ROBO1: variants seen among roughly 807,000 people sequenced by gnomAD.
ROBO1 encodes the protein roundabout homolog 1.
Under a neutral mutation model 195.9 loss-of-function variants are expected in ROBO1, and 149 were observed. The ratio of observed to expected loss-of-function variants is 0.76; its 90% CI spans 0.67 to 0.87. The LOEUF (loss-of-function observed/expected upper bound fraction) is 0.87. Among genes scored for constraint, ROBO1 ranks in the 40% least tolerant of loss-of-function variants. ROBO1 has a pLI of 0.00. For missense variants in ROBO1, 1,933 were observed against 2,068.3 expected, an observed-to-expected ratio of 0.93 and a Z score of 1.27; for synonymous variants, 816 against 733.2, an observed-to-expected ratio of 1.11 and a Z score of -1.82.
intron 3 of ROBO1, among the ~76,000 whole-genome samples, chr3:78,992,375 A>T (rs1452111500): frequency 6.6e-6 from 1 of 152,116 alleles, no homozygotes; most frequent in Admixed American, 6.6e-5. Flanking sequence ...AAGGGCTTAC[A>T]TTGTTAAGCT....
intron 2 of ROBO1, among the ~76,000 whole-genome samples, chr3:79,269,218 G>A (rs557856529): frequency 1.3e-5 from 2 of 151,704 alleles, no homozygotes; most frequent in East Asian, 1.9e-4. Context: ...AAAATATGAG[G>A]GAAAATAATA....
intron 2 of ROBO1, among the ~76,000 whole-genome samples, chr3:79,365,427 T>C (rs2035933611): frequency 6.6e-6 from 1 of 152,134 alleles, no homozygotes; most frequent in Non-Finnish European, 1.5e-5. Context: ...GAACTCTGCG[T>C]CGGTTGCTAC....
rs1941624701 is a variant in ROBO1 at position 79,530,798 on chromosome 3, C to G, written c.88+59026G>C. ...ACACACACACACACACACACACACA[C>G]ACACACATCCTTCCCTGGATTCCCA... is the stretch of plus-strand genomic sequence containing the variant. On this transcript the variant is annotated intron_variant, in intron 2 of 30. Transcript: ENST00000464233. Among the ~76,000 whole-genome samples the G allele has an allele frequency of 2.1e-5, 3 of 140,004 alleles. No homozygotes were observed. The South Asian group carries it at 6.9e-4, about 32-fold the overall frequency. 91.8% of individuals were successfully genotyped at this position (140,004 alleles called of 152,430 possible).
intron 1 of ROBO1, among the ~76,000 whole-genome samples, chr3:79,652,787 G>T (rs544912324): frequency 1.3e-5 from 2 of 152,070 alleles, no homozygotes; most frequent in South Asian, 2.1e-4. Flanking sequence ...TTGTGAAAGA[G>T]CTTGCCCCAC....
rs200183383 is a variant in ROBO1 at position 79,170,709 on chromosome 3, AT to A, written c.89-45171del. Among the ~76,000 whole-genome samples the A allele has an allele frequency of 2.4e-3, 357 of 151,314 alleles. 5 individuals carry two copies. Among genetic ancestry groups the A allele is most frequent in the Non-Finnish European group, 5.0e-4 (34 of 67,728 alleles). On this transcript the variant is annotated intron_variant, in intron 2 of 30. Coordinates refer to ENST00000464233, the MANE Select transcript of ROBO1 (RefSeq NM_002941.4). The stretch of plus-strand genomic sequence containing the variant: ...TTATTACCAGTGAATTAGACAAGTT[AT>A]TTTTTTTTCTCTTAGGAATTTAAAT...
chr3:78,806,379 A>G (rs951762034), intron 4 of ROBO1, among the ~76,000 whole-genome samples: 17 of 152,176 alleles, frequency 1.1e-4, no homozygotes, highest in African/African-American at 4.1e-4. Context: ...CTTGGGAGGA[A>G]GCGGTATCTA....
At chr3:79,137,677 G>T (rs116535123) in intron 2 of ROBO1, among the ~76,000 whole-genome samples, 1,532 of 152,074 alleles carry the variant, frequency 0.01, 21 homozygotes, top group African/African-American at 0.033. Flanking sequence ...TACTGAAACC[G>T]AATCTCAGAG....
At position 79,233,991 on chromosome 3, in the gene ROBO1, T is replaced by A. The variant is rs372011478; in HGVS notation, c.89-108452A>T. Among the ~76,000 whole-genome samples the A allele has an allele frequency of 2.2e-3, 335 of 152,262 alleles. 1 individual carries two copies. The highest frequency in any genetic ancestry group is 7.1e-3 in the African/African-American group (294 of 41,568). ...TTGGTGTCCACTTGTACGTCTTCTT[T>A]GAGAAGTATAAGTTCTTGTCTTTTG... is the stretch of plus-strand genomic sequence containing the variant. On this transcript the variant is annotated intron_variant, in intron 2 of 30. Coordinates refer to ENST00000464233, the MANE Select transcript of ROBO1 (RefSeq NM_002941.4).
intron 2 of ROBO1, among the ~76,000 whole-genome samples, chr3:79,493,386 T>A (rs1575910868): frequency 6.6e-6 from 1 of 152,052 alleles, no homozygotes; most frequent in East Asian, 1.9e-4. Flanking sequence ...AACTGATAGG[T>A]ATTAACTAAA....
intron 2 of ROBO1, among the ~76,000 whole-genome samples, chr3:79,335,179 A>G (rs549142835): frequency 6.6e-6 from 1 of 152,280 alleles, no homozygotes; most frequent in East Asian, 1.9e-4. Flanking sequence ...ATCAGAATTC[A>G]AAAATATTTA....
At chr3:79,072,751 G>T (rs1378639) in intron 3 of ROBO1, among the ~76,000 whole-genome samples, 150,258 of 152,074 alleles carry the variant, frequency 0.99, 74,266 homozygotes, top group Middle Eastern at 1. Flanking sequence ...CACATTCAGT[G>T]CTAAATATAG....
At chr3:79,479,364 AG>A (rs1446245184) in intron 2 of ROBO1, among the ~76,000 whole-genome samples, 8 of 152,194 alleles carry the variant, frequency 5.3e-5, no homozygotes, top group African/African-American at 1.9e-4. Context: ...ACTTCACAAT[AG>A]GGTTCACATT....
At chr3:78,714,619 CT>C in intron 7 of ROBO1, 95 bp from the exon 8 acceptor site, 1 of 1,119,256 alleles carries the variant, frequency 8.9e-7, no homozygotes, top group Non-Finnish European at 1.2e-6. Flanking sequence ...ATGCTACATT[CT>C]TTTCTGATAA....
At chr3:78,629,546 C>T (rs140085276) in intron 25 of ROBO1, among the ~76,000 whole-genome samples, 2 of 152,042 alleles carry the variant, frequency 1.3e-5, no homozygotes, top group Non-Finnish European at 2.9e-5. Context: ...TAAAAATAAA[C>T]TTAGCTGGGT....
chr3:79,300,277 C>T (rs990108505), intron 2 of ROBO1, among the ~76,000 whole-genome samples: 11 of 152,320 alleles, frequency 7.2e-5, no homozygotes, highest in Admixed American at 3.3e-4. Context: ...GCTGGAGTTC[C>T]GGGTGGGCGT....
intron 2 of ROBO1, among the ~76,000 whole-genome samples, chr3:79,236,566 T>C (rs1305302175): frequency 2.0e-5 from 3 of 152,196 alleles, no homozygotes; most frequent in Admixed American, 6.5e-5. Context: ...AATGAGTATG[T>C]CATTTCAATA....
At chr3:78,919,345 A>T (rs1345023983) in intron 4 of ROBO1, among the ~76,000 whole-genome samples, 2 of 152,192 alleles carry the variant, frequency 1.3e-5, no homozygotes. Flanking sequence ...TCTTTTTTTA[A>T]CACTGAAAAA....
chr3:78,839,589 G>A (rs1049059923), intron 4 of ROBO1, among the ~76,000 whole-genome samples: 1 of 151,808 alleles, frequency 6.6e-6, no homozygotes, highest in South Asian at 2.1e-4. Flanking sequence ...AAACAAAATC[G>A]TTTAGAATTG....
At chr3:79,246,092 T>A (rs975697587) in intron 2 of ROBO1, among the ~76,000 whole-genome samples, 3 of 152,126 alleles carry the variant, frequency 2.0e-5, no homozygotes, top group African/African-American at 7.2e-5. Context: ...ATTATTAAAG[T>A]TGCTGACACT....
Sources: gnomAD v4.1 joint callset for allele counts (sites outside exome capture counted in the v4.1 genomes callset) on GRCh38, gnomAD v4.1.1 for gene constraint, MANE v1.5 for transcripts, NCBI Gene and HGNC (gene_info 2026-07-23, HGNC 2026-07-21) for gene names.